The following RALGAPA1 variants were observed in gnomAD, a reference collection of about 807,000 sequenced individuals.
RALGAPA1 encodes the protein Ral GTPase activating protein catalytic subunit alpha 1.
Under a neutral mutation model 269.6 loss-of-function variants are expected in RALGAPA1, and 52 were observed. That is an observed-to-expected ratio of 0.19 (90% confidence interval 0.15 to 0.24). RALGAPA1 has a LOEUF of 0.24. RALGAPA1 is among the 10% of genes least tolerant of loss of function. The probability of loss-of-function intolerance (pLI) is 1.00; values close to 1 mark genes in which losing one functional copy is unlikely to be tolerated. For missense variants in RALGAPA1, 1,917 were observed against 3,013.9 expected, an observed-to-expected ratio of 0.64 and a Z score of 8.52; for synonymous variants, 817 against 1,008.3, an observed-to-expected ratio of 0.81 and a Z score of 3.60.
chr14:35,667,905 A>C (rs1346974240), intron 26 of RALGAPA1, among the ~76,000 whole-genome samples: 1 of 152,226 alleles, frequency 6.6e-6, no homozygotes, highest in Non-Finnish European at 1.5e-5. Flanking sequence ...GACTCAACCT[A>C]CATGCCCATC....
At chr14:35,761,060 T>C (rs2073655726) in intron 5 of RALGAPA1, 54 bp from the exon 6 acceptor site, 1 of 1,384,698 alleles carries the variant, frequency 7.2e-7, no homozygotes, top group Admixed American at 2.4e-5. Context: ...AATATTTTCT[T>C]CCTTTGAAAA....
chr14:35,768,429 C>T (rs2074323821), intron 4 of RALGAPA1, among the ~76,000 whole-genome samples: 1 of 152,104 alleles, frequency 6.6e-6, no homozygotes, highest in Middle Eastern at 3.2e-3. Context: ...ATGGCTCACA[C>T]CTGTAATCCC....
intron 37 of RALGAPA1, among the ~76,000 whole-genome samples, chr14:35,595,106 G>A (rs2058851688): frequency 6.6e-6 from 1 of 151,456 alleles, no homozygotes; most frequent in Admixed American, 6.6e-5. Flanking sequence ...AAACAAAGGA[G>A]AAAATATACA....
chr14:35,629,636 TG>T (rs1369267663), intron 33 of RALGAPA1, among the ~76,000 whole-genome samples: 1 of 152,114 alleles, frequency 6.6e-6, no homozygotes, highest in Non-Finnish European at 1.5e-5. Flanking sequence ...CCCAAACAGC[TG>T]GGGACTACAG....
chr14:35,716,174 A>C, intron 16 of RALGAPA1: 1 of 704,876 alleles, frequency 1.4e-6, no homozygotes. Context: ...AGGGTGGATC[A>C]CTTGAGGTCA....
intron 1 of RALGAPA1, among the ~76,000 whole-genome samples, chr14:35,776,943 T>A (rs1224984946): frequency 6.6e-6 from 1 of 152,148 alleles, no homozygotes; most frequent in African/African-American, 2.4e-5. Flanking sequence ...GGTTCTCTCA[T>A]AATCTCTGAG....
intron 1 of RALGAPA1, among the ~76,000 whole-genome samples, chr14:35,806,647 T>C (rs1209675414): frequency 6.6e-6 from 1 of 152,168 alleles, no homozygotes; most frequent in Admixed American, 6.5e-5. Flanking sequence ...ATGGCAGTTC[T>C]GTTTGGTCCC....
intron 17 of RALGAPA1, 132 bp from the exon 18 acceptor site, chr14:35,690,135 CAA>C: frequency 3.2e-6 from 2 of 623,996 alleles, no homozygotes. Flanking sequence ...AAAAAAAAAT[CAA>C]AATACAAATC....
rs771859688 is a variant in RALGAPA1 at position 35,627,588 on chromosome 14, T to C, written c.6359A>G (p.Tyr2120Cys). Reference sequence around the variant, plus strand: ...CAAGCCACTTACAGGAGGTGGGCCATACAGTATAGCAGAATCCCATGAATA... The same window carrying C: ...CAAGCCACTTACAGGAGGTGGGCCACACAGTATAGCAGAATCCCATGAATA... ...GKYSWDSAILYGPPPVSGLSE... is the reference protein window; with the variant it reads ...GKYSWDSAILCGPPPVSGLSE... Residue 2120 changes from tyrosine to cysteine, a missense_variant, in exon 34 of 42, where the codon TAT (tyrosine) becomes TGT (cysteine). This residue lies in a region of RALGAPA1 where 346 missense variants were observed against 566.1 expected (regional missense o/e 0.61). Transcript: ENST00000680220. 5 of 1,575,130 alleles carry C rather than the reference T, an allele frequency of 3.2e-6. 1 individual carries two copies. The highest frequency in any genetic ancestry group is 4.3e-6 in the Non-Finnish European group (5 of 1,162,594).
intron 17 of RALGAPA1, 80 bp from the exon 18 acceptor site, chr14:35,690,083 G>A: frequency 1.9e-6 from 2 of 1,036,236 alleles, no homozygotes. Flanking sequence ...ATGCTCTAAA[G>A]CATATGCTTT....
chr14:35,671,981 T>C (rs540596344), intron 25 of RALGAPA1, among the ~76,000 whole-genome samples: 1 of 152,340 alleles, frequency 6.6e-6, no homozygotes, highest in South Asian at 2.1e-4. Flanking sequence ...CTCAGAAATC[T>C]AGACCTAGGC....
chr14:35,596,304 A>T (rs2058928513), intron 36 of RALGAPA1, among the ~76,000 whole-genome samples: 1 of 152,106 alleles, frequency 6.6e-6, no homozygotes. Context: ...ACCTGTAAAA[A>T]GATTTTAAAC....
At chr14:35,792,777 CAAAA>C (rs573027253) in intron 1 of RALGAPA1, among the ~76,000 whole-genome samples, 5 of 46,128 alleles carry the variant, frequency 1.1e-4, no homozygotes, top group Admixed American at 2.7e-4. Context: ...GACCCTGTCT[CAAAA>C]AAAAAAAAAA....
At chr14:35,769,149 A>G (rs181156347) in intron 4 of RALGAPA1, among the ~76,000 whole-genome samples, 16 of 150,150 alleles carry the variant, frequency 1.1e-4, no homozygotes, top group Non-Finnish European at 2.2e-4. Flanking sequence ...AATGATATCA[A>G]AAGTTTGTTC....
chr14:35,607,889 C>T (rs1034180582), intron 35 of RALGAPA1, among the ~76,000 whole-genome samples: 1 of 152,142 alleles, frequency 6.6e-6, no homozygotes, highest in African/African-American at 2.4e-5. Context: ...TTCAAAAACC[C>T]TGTGCACATA....
intron 35 of RALGAPA1, among the ~76,000 whole-genome samples, chr14:35,614,265 T>C (rs2060119827): frequency 6.6e-6 from 1 of 152,178 alleles, no homozygotes; most frequent in Non-Finnish European, 1.5e-5. Flanking sequence ...AAACTGTACA[T>C]GAATGTTCAC....
chr14:35,794,839 G>A (rs1261322266), intron 1 of RALGAPA1, among the ~76,000 whole-genome samples: 1 of 152,050 alleles, frequency 6.6e-6, no homozygotes. Context: ...TGAATACTTT[G>A]TAAGTAAAGA....
chr14:35,717,308 G>A (rs566174357), intron 16 of RALGAPA1, among the ~76,000 whole-genome samples: 3 of 152,038 alleles, frequency 2.0e-5, no homozygotes, highest in Non-Finnish European at 4.4e-5. Context: ...AGGCTACCAC[G>A]CTGGCTAATT....
At chr14:35,649,045 A>T (rs1030188983) in intron 31 of RALGAPA1, among the ~76,000 whole-genome samples, 6 of 152,204 alleles carry the variant, frequency 3.9e-5, no homozygotes, top group African/African-American at 1.4e-4. Flanking sequence ...TCACAATGTT[A>T]ATACTACTCA....
Sources: allele counts gnomAD v4.1 joint callset (sites outside exome capture counted in the v4.1 genomes callset), GRCh38; gene constraint gnomAD v4.1.1; regional missense constraint gnomAD v4.1.1; transcripts MANE v1.5; gene names NCBI Gene and HGNC (gene_info 2026-07-23, HGNC 2026-07-21).